Variants in CNTLN observed in about 807,000 individuals in gnomAD.
CNTLN encodes centlein, centrosomal protein.
Under a neutral mutation model 180.0 loss-of-function variants are expected in CNTLN, and 212 were observed. The observed-to-expected ratio is 1.18, with a 90% CI of 1.05 to 1.32. The LOEUF is 1.32. CNTLN is among the 40% of genes most tolerant of loss of function. CNTLN has a pLI of 0.00. For synonymous variants in CNTLN, 722 were observed against 563.1 expected (o/e 1.28, Z -3.99); for missense variants, 2,095 against 1,610.9 (o/e 1.30, Z -5.14).
chr9:17,276,660 G>A (rs1828330444), intron 6 of CNTLN, among the ~76,000 whole-genome samples: 1 of 151,918 alleles, frequency 6.6e-6, no homozygotes, highest in Non-Finnish European at 1.5e-5. Flanking sequence ...GTGGGGGATT[G>A]GTTTCAGGCC....
At chr9:17,237,217 C>T (rs917380390) in intron 5 of CNTLN, among the ~76,000 whole-genome samples, 2 of 151,650 alleles carry the variant, frequency 1.3e-5, no homozygotes, top group African/African-American at 4.8e-5. Flanking sequence ...TTATGGCATT[C>T]TCTTTGTCTT....
At chr9:17,238,581 G>A (rs893716512) in intron 5 of CNTLN, among the ~76,000 whole-genome samples, 2 of 152,156 alleles carry the variant, frequency 1.3e-5, no homozygotes, top group Non-Finnish European at 2.9e-5. Flanking sequence ...AGAATCATAT[G>A]CCTTTGTCCT....
chr9:17,422,277 ATTTAT>A (rs1014666558), intron 18 of CNTLN, among the ~76,000 whole-genome samples: 1 of 151,424 alleles, frequency 6.6e-6, no homozygotes, highest in Admixed American at 6.6e-5. Context: ...TTTATACGTT[ATTTAT>A]TTTCTTTTTC....
rs868324353 is a variant in CNTLN, at chr9:17,416,573, C to T, written c.3114+384C>T. On this transcript the variant is annotated intron_variant, in intron 18 of 25. Transcript: ENST00000380647. ...GAAACTTTGTGTTTATGATAAGTTA[C>T]ATTATTAAACTAATATATTCATCAG... 1.4e-4 allele frequency among the ~76,000 whole-genome samples: 22 copies of T among 152,282 alleles called. 1 individual carries two copies. The highest frequency in any genetic ancestry group is 1.0e-3 in the South Asian group (5 of 4,824).
At chr9:17,482,899 T>A (rs896799744) in intron 23 of CNTLN, among the ~76,000 whole-genome samples, 1 of 152,058 alleles carries the variant, frequency 6.6e-6, no homozygotes, top group Non-Finnish European at 1.5e-5. Flanking sequence ...GATAAAAAAA[T>A]TTTAACTGAA....
Position 17,466,891 on chromosome 9 carries a change from G to A in CNTLN, c.3855G>A (p.Lys1285=). ...EKVEEFTTFV[K]ALAKELQNDV... Reference sequence around the variant, plus strand: ...TAGAAGAGTTCACCACATTTGTGAAGGTTTGAATTACTTGTCGTTTACTAA... The same window carrying A: ...TAGAAGAGTTCACCACATTTGTGAAAGTTTGAATTACTTGTCGTTTACTAA... Residue 1285 remains lysine (K), a splice_region_variant and synonymous_variant, in exon 23 of 26, where the codon AAG becomes AAA. Coordinates refer to ENST00000380647, the MANE Select transcript of CNTLN (RefSeq NM_017738.4). The A allele has an allele frequency of 6.2e-7, 1 of 1,604,576 alleles. No homozygotes were observed. The highest frequency in any genetic ancestry group is 1.1e-5 in the South Asian group (1 of 89,930).
At chr9:17,519,296 G>C in the CNTLN span, among the ~76,000 whole-genome samples, 3 of 149,630 alleles carry the variant, frequency 2.0e-5, no homozygotes, top group Non-Finnish European at 3.0e-5. Flanking sequence ...CACAAACACA[G>C]TATTGCATGA....
In CNTLN at chr9:17,298,967, G is replaced by A. The variant is rs536354959; in HGVS notation, c.1146+615G>A. On this transcript the variant is annotated intron_variant, in intron 7 of 25. Coordinates refer to ENST00000380647, the MANE Select transcript of CNTLN (RefSeq NM_017738.4). ...TTAAAAAAAATACCTTTATTGGCCG[G>A]GCATGGTGGCTCATGCCTGTAATCC... is the stretch of plus-strand genomic sequence containing the variant. 4 of 983,826 alleles carry A rather than the reference G, an allele frequency of 4.1e-6. No homozygotes were observed. In the South Asian group the frequency reaches 1.9e-4, roughly 46 times the overall value. The allele number at this position is 983,826 out of a possible 1,614,324, so 60.9% of individuals were successfully genotyped here.
chr9:17,270,618 A>G (rs1180957149), intron 5 of CNTLN, among the ~76,000 whole-genome samples: 1 of 152,114 alleles, frequency 6.6e-6, no homozygotes, highest in African/African-American at 2.4e-5. Context: ...ATGAGTTGAG[A>G]ACATCCTTTT....
intron 7 of CNTLN, chr9:17,301,473 G>A (rs1331381216): frequency 2.0e-6 from 2 of 985,156 alleles, no homozygotes; most frequent in East Asian, 2.3e-4. Context: ...CTTGTGTTTA[G>A]TCTGTTTTTT....
At chr9:17,420,189 G>A (rs1054762155) in intron 18 of CNTLN, among the ~76,000 whole-genome samples, 4 of 152,100 alleles carry the variant, frequency 2.6e-5, no homozygotes, top group African/African-American at 7.2e-5. Flanking sequence ...TGTAGCCATT[G>A]GGTCCTGGGC....
intron 18 of CNTLN, among the ~76,000 whole-genome samples, chr9:17,427,460 C>T (rs1437383318): frequency 6.6e-6 from 1 of 151,862 alleles, no homozygotes; most frequent in Non-Finnish European, 1.5e-5. Flanking sequence ...AAAGATTGAA[C>T]AAAATATTTA....
At chr9:17,172,339 A>G (rs1820472792) in intron 2 of CNTLN, among the ~76,000 whole-genome samples, 1 of 152,152 alleles carries the variant, frequency 6.6e-6, no homozygotes, top group Non-Finnish European at 1.5e-5. Flanking sequence ...CCTGCTGTGT[A>G]GCTGATACTG....
At chr9:17,236,274 T>G in intron 4 of CNTLN, 135 bp from the exon 5 acceptor site, 1 of 664,844 alleles carries the variant, frequency 1.5e-6, no homozygotes, top group Non-Finnish European at 2.4e-6. Flanking sequence ...CAGGTGACCT[T>G]GGCTATCAAA....
chr9:17,264,598 G>C (rs373959540), intron 5 of CNTLN, among the ~76,000 whole-genome samples: 2 of 151,870 alleles, frequency 1.3e-5, no homozygotes, highest in Admixed American at 6.6e-5. Flanking sequence ...TTGGTAGCTT[G>C]ATGGGGATGA....
intron 12 of CNTLN, among the ~76,000 whole-genome samples, chr9:17,350,806 C>A (rs1822298610): frequency 6.6e-6 from 1 of 152,112 alleles, no homozygotes; most frequent in Non-Finnish European, 1.5e-5. Flanking sequence ...TACTCAAAGT[C>A]CCCATCTCCG....
chr9:17,244,416 C>T (rs1226371593), intron 5 of CNTLN, among the ~76,000 whole-genome samples: 2 of 152,012 alleles, frequency 1.3e-5, no homozygotes, highest in East Asian at 3.9e-4. Flanking sequence ...TGAGGTCTTG[C>T]TATGTTGCCC....
chr9:17,475,604 G>A (rs1832288765), intron 23 of CNTLN, among the ~76,000 whole-genome samples: 1 of 151,998 alleles, frequency 6.6e-6, no homozygotes, highest in South Asian at 2.1e-4. Context: ...CGGGCACAGT[G>A]GCTCACGTCT....
intron 23 of CNTLN, among the ~76,000 whole-genome samples, chr9:17,477,016 T>G (rs940297912): frequency 1.3e-5 from 2 of 152,186 alleles, no homozygotes; most frequent in Admixed American, 1.3e-4. Flanking sequence ...GGACTTTAAG[T>G]TGAAGCCGAT....
Sources: gnomAD v4.1 joint callset for allele counts (sites outside exome capture counted in the v4.1 genomes callset) on GRCh38, gnomAD v4.1.1 for gene constraint, MANE v1.5 for transcripts, NCBI Gene and HGNC (gene_info 2026-07-23, HGNC 2026-07-21) for gene names.